IL16: variants seen among roughly 807,000 people sequenced by gnomAD.
IL16 encodes the protein interleukin 16.
Under a neutral mutation model 110.1 loss-of-function variants are expected in IL16, and 67 were observed. The ratio of observed to expected loss-of-function variants is 0.61; its 90% CI spans 0.50 to 0.75. The LOEUF is 0.75. Among genes scored for constraint, IL16 ranks in the 30% least tolerant of loss-of-function variants. The probability of loss-of-function intolerance (pLI) is 0.00; values close to 1 mark genes in which losing one functional copy is unlikely to be tolerated. For synonymous variants in IL16, 689 were observed against 662.9 expected (o/e 1.04, Z -0.61); for missense variants, 1,545 against 1,655.0 (o/e 0.93, Z 1.15).
rs752229984 is a variant in IL16, at chr15:81,292,627, C to A, written c.1492C>A (p.Pro498Thr). ...LEKEREKNSA[P>T]PHRRAQKVMI... ...GAAGGAACGAGAGAAGAACTCAGCA[C>A]CCCCGCATCGCAGGGCTCAGAAGGT... is the stretch of plus-strand genomic sequence containing the variant. The change falls in exon 12 of 19, where the codon CCC (proline) becomes ACC (threonine). Residue 498 changes from proline to threonine, a missense_variant. Physicochemically the swap from Pro to Thr is conservative, Grantham distance 38. Transcript: ENST00000683961. The A allele has an allele frequency of 1.9e-6, 3 of 1,610,990 alleles. No homozygotes were observed. The highest frequency in any genetic ancestry group is 3.3e-5 in the Admixed American group (2 of 59,930).
chr15:81,197,153 G>A lies in IL16; in HGVS notation c.-102+1G>A, dbSNP rs1036894579. On this transcript the variant is annotated splice_donor_variant, in intron 1 of 18. Coordinates refer to ENST00000683961, the MANE Select transcript of IL16 (RefSeq NM_172217.5). LOFTEE classifies it low-confidence loss of function (5UTR_SPLICE). ...GCATAGGGAGGTAGGTGGGCACCAG[G>A]TGAGTGAATGTCTGTCAGGCAGCTG... 8 of 1,287,596 alleles carry A rather than the reference G, an allele frequency of 6.2e-6. No homozygotes were observed. The African/African-American group carries it at 1.1e-4, about 17-fold the overall frequency. The allele number at this position is 1,287,596 out of a possible 1,614,324, so 79.8% of individuals were successfully genotyped here.
intron 1 of IL16, among the ~76,000 whole-genome samples, chr15:81,205,874 G>T (rs1807633251): frequency 6.6e-6 from 1 of 152,224 alleles, no homozygotes; most frequent in South Asian, 2.1e-4. Context: ...TGTTAATTTT[G>T]TCAGACAAAA....
At chr15:81,243,163 A>ATATATATATATATATATATATATT in intron 2 of IL16, among the ~76,000 whole-genome samples, 1 of 15,018 alleles carries the variant, frequency 6.7e-5, no homozygotes, top group Non-Finnish European at 1.2e-4. Context: ...ATATATATAT[A>ATATATATATATATATATATATATT]TTTTTTTTTT....
intron 3 of IL16, among the ~76,000 whole-genome samples, chr15:81,265,167 G>A (rs77874393): frequency 1.3e-5 from 2 of 152,172 alleles, no homozygotes; most frequent in East Asian, 1.9e-4. Context: ...AGTTGTCTCC[G>A]TGTGTGTGTA....
Position 81,269,628 on chromosome 15 carries a change from CTGA to C in IL16, c.659_661del (p.Met220del), listed in dbSNP as rs1238437167. 6.2e-7 allele frequency: 1 copy of C among 1,612,872 alleles called. No individual in the cohort carries two copies. Among genetic ancestry groups the C allele is most frequent in the Admixed American group, 1.7e-5 (1 of 60,022 alleles). On this transcript the variant is annotated inframe_deletion, in exon 5 of 19. Coordinates refer to ENST00000683961, the MANE Select transcript of IL16 (RefSeq NM_172217.5). ...GGCTTCAGTCATCTCCAACATCGTG[CTGA>C]TGAAGGGCCAGGCTAAGGTGAGAAG...
chr15:81,199,173 G>C (rs1566990707), intron 1 of IL16, among the ~76,000 whole-genome samples: 1 of 151,878 alleles, frequency 6.6e-6, no homozygotes, highest in Non-Finnish European at 1.5e-5. Flanking sequence ...CATAAACACG[G>C]GGAGAAAATA....
chr15:81,288,851 G>C (rs945194369), intron 10 of IL16, among the ~76,000 whole-genome samples: 1 of 151,974 alleles, frequency 6.6e-6, no homozygotes, highest in Non-Finnish European at 1.5e-5. Context: ...GTGTGTGTGC[G>C]TGTGTGTGTA....
At chr15:81,210,961 A>T (rs893498421) in intron 1 of IL16, among the ~76,000 whole-genome samples, 3 of 152,112 alleles carry the variant, frequency 2.0e-5, no homozygotes, top group African/African-American at 7.2e-5. Context: ...CCCATTCAGT[A>T]TGATGTTGGC....
At chr15:81,226,915 T>C (rs925590140) in intron 2 of IL16, among the ~76,000 whole-genome samples, 10 of 152,104 alleles carry the variant, frequency 6.6e-5, no homozygotes, top group Non-Finnish European at 1.2e-4. Context: ...TAAATGAAAT[T>C]CAAAAAGTAT....
chr15:81,299,272 TCTC>T (rs1567043781), intron 13 of IL16, 105 bp from the exon 14 acceptor site: 1 of 1,588,374 alleles, frequency 6.3e-7, no homozygotes, highest in Non-Finnish European at 8.5e-7. Context: ...CTTCTGCTAA[TCTC>T]CTCCTCTTGA....
At position 81,207,528 on chromosome 15, in the gene IL16, C is replaced by G. The variant is rs183415593; in HGVS notation, c.-102+10376C>G. The stretch of plus-strand genomic sequence containing the variant: ...ACCCACGCCCCACCTCCCACCCACC[C>G]CCTCTAGTAGTCCATGGTGTCTGTT... On this transcript the variant is annotated intron_variant, in intron 1 of 18. Transcript: ENST00000683961. 7.4e-4 allele frequency among the ~76,000 whole-genome samples: 113 copies of G among 151,976 alleles called. 1 individual carries two copies. The highest frequency in any genetic ancestry group is 6.9e-3 in the Admixed American group (105 of 15,252).
chr15:81,263,513 G>C (rs566752786), intron 3 of IL16, among the ~76,000 whole-genome samples: 1 of 152,256 alleles, frequency 6.6e-6, no homozygotes, highest in African/African-American at 2.4e-5. Context: ...TTCTGAAACA[G>C]TGGGCCGAAG....
chr15:81,281,730 C>A (rs1596028507), intron 8 of IL16, among the ~76,000 whole-genome samples: 2 of 152,240 alleles, frequency 1.3e-5, no homozygotes, highest in South Asian at 4.1e-4. Context: ...TTACTCAAGC[C>A]AAACAGATCT....
At chr15:81,242,452 A>G (rs1211893765) in intron 2 of IL16, among the ~76,000 whole-genome samples, 1 of 152,166 alleles carries the variant, frequency 6.6e-6, no homozygotes. Context: ...AGTCCTATAC[A>G]TGTTTTGTCA....
intron 10 of IL16, among the ~76,000 whole-genome samples, chr15:81,288,833 G>GTA (rs201839614): frequency 6.0e-4 from 89 of 149,024 alleles, no homozygotes; most frequent in South Asian, 3.0e-3. Context: ...ATGTGTATGT[G>GTA]TGTGTGTGTG....
chr15:81,299,630 C>A lies in IL16; in HGVS notation c.2304C>A (p.Pro768=). Residue 768 remains proline (P), a synonymous_variant, in exon 14 of 19, where the codon CCC becomes CCA. Transcript: ENST00000683961. The part of the protein sequence containing the change: ...PPKLDTANGT[P]KVYKSADSST... ...AGCTGGACACCGCCAATGGCACTCC[C>A]AAAGTTTACAAGTCAGCAGACAGCA... The A allele has an allele frequency of 6.2e-7, 1 of 1,614,234 alleles. No homozygotes were observed. The highest frequency in any genetic ancestry group is 8.5e-7 in the Non-Finnish European group (1 of 1,180,046).
chr15:81,184,108 G>A (rs1442846530), intron 1 of IL16, among the ~76,000 whole-genome samples: 2 of 152,200 alleles, frequency 1.3e-5, no homozygotes, highest in East Asian at 3.8e-4. Flanking sequence ...CATTCAGGCG[G>A]CCTCCCTTTG....
chr15:81,221,548 A>T (rs1284294976), intron 1 of IL16, among the ~76,000 whole-genome samples: 1 of 152,120 alleles, frequency 6.6e-6, no homozygotes, highest in African/African-American at 2.4e-5. Flanking sequence ...GAACCATGTG[A>T]CCACAGCACT....
At chr15:81,299,052 G>A (rs532291358) in intron 13 of IL16, among the ~76,000 whole-genome samples, 2 of 152,350 alleles carry the variant, frequency 1.3e-5, no homozygotes, top group African/African-American at 2.4e-5. Context: ...GAGACACAGG[G>A]TCTTGCCTGA....
Sources: allele counts gnomAD v4.1 joint callset (sites outside exome capture counted in the v4.1 genomes callset), GRCh38; gene constraint gnomAD v4.1.1; transcripts MANE v1.5; gene names NCBI Gene and HGNC (gene_info 2026-07-23, HGNC 2026-07-21).